The following GRHL3 variants were observed in gnomAD, a reference collection of about 807,000 sequenced individuals.
GRHL3 encodes the protein grainyhead like transcription factor 3.
GRHL3 carries 20 observed loss-of-function variants against 70.3 expected under a neutral mutation model. That is an observed-to-expected ratio of 0.28 (90% CI 0.20 to 0.41). The LOEUF (loss-of-function observed/expected upper bound fraction) is 0.41, where lower values mean the gene tolerates loss of function less well. Among genes scored for constraint, GRHL3 ranks in the 10% least tolerant of loss-of-function variants. The pLI, the probability that GRHL3 is intolerant of heterozygous loss-of-function variation, is 1.00. For synonymous variants in GRHL3, 299 were observed against 299.9 expected, an observed-to-expected ratio of 1.00 and a Z score of 0.03; for missense variants, 637 against 762.3, an observed-to-expected ratio of 0.84 and a Z score of 1.94.
Position 24,344,916 on chromosome 1 carries a change from C to T in GRHL3, c.1439C>T (p.Pro480Leu). Reference protein sequence around the residue: ...RSGGAAPSAGPSSSNRLPLKR... With the variant: ...RSGGAAPSAGLSSSNRLPLKR... ...TTGCAGGCAGCCCCCTCGGCAGGAC[C>T]CAGCAGCTCCAACAGGTATGGAGAG... Residue 480 changes from proline (P) to leucine (L), a missense_variant, in exon 12 of 16, where the codon CCC becomes CTC. Transcript: ENST00000361548. 1 of 1,613,572 alleles carries T rather than the reference C, an allele frequency of 6.2e-7. No individual in the cohort carries two copies. Among genetic ancestry groups the T allele is most frequent in the Non-Finnish European group, 8.5e-7 (1 of 1,179,722 alleles).
At chr1:24,332,287 T>G (rs968609490) in intron 2 of GRHL3, among the ~76,000 whole-genome samples, 15 of 152,166 alleles carry the variant, frequency 9.9e-5, no homozygotes, top group Non-Finnish European at 1.9e-4. Context: ...CTTACTGTCT[T>G]TCCTACTCCA....
At position 24,338,005 on chromosome 1, in the gene GRHL3, T is replaced by C; in HGVS notation, c.854T>C (p.Val285Ala). The C allele has an allele frequency of 2.5e-6, 4 of 1,607,422 alleles. No individual in the cohort carries two copies. The highest frequency in any genetic ancestry group is 3.4e-6 in the Non-Finnish European group (4 of 1,176,646). The stretch of plus-strand genomic sequence containing the variant: ...CTGTGCTTGCAGAGTGTGGTGATGG[T>C]TGTCTTCGACAATGAGAAGGTCCCA... ...SSNKVKSVVM[V>A]VFDNEKVPVE... Residue 285 changes from valine to alanine, a missense_variant, in exon 7 of 16, where the codon GTT (valine) becomes GCT (alanine). Around this residue, in one of 2 missense-constraint regions of GRHL3, gnomAD observed 387 missense variants for 513.8 expected, o/e 0.75. Transcript: ENST00000361548.
At chr1:24,327,957 C>A (rs1189767600) in intron 1 of GRHL3, among the ~76,000 whole-genome samples, 3 of 152,160 alleles carry the variant, frequency 2.0e-5, no homozygotes, top group Non-Finnish European at 1.5e-5. Context: ...AAGCCAAATT[C>A]TTAGTTCTAG....
chr1:24,362,521 A>G (rs1569968585), intron 15 of GRHL3, among the ~76,000 whole-genome samples: 1 of 152,236 alleles, frequency 6.6e-6, no homozygotes, highest in South Asian at 2.1e-4. Context: ...CAATGACACT[A>G]ACTTTATAAA....
In GRHL3 at chr1:24,354,457, G is replaced by A. The variant is rs865859683; in HGVS notation, c.1778G>A (p.Gly593Asp). Residue 593 changes from glycine (G) to aspartate (D), a missense_variant, in exon 16 of 16, where the codon GGC (glycine) becomes GAC (aspartate). Physicochemically the swap from Gly to Asp is moderately conservative, Grantham distance 94. This residue lies in a region of GRHL3 where 387 missense variants were observed against 513.8 expected (regional missense o/e 0.75). Coordinates refer to ENST00000361548, the MANE Select transcript of GRHL3 (RefSeq NM_198173.3). ...CTGCTGGACATGGGGGAGCTGGACG[G>A]CAAAATTCAGATCATCCTTAAGGAG... ...AFLLDMGELDGKIQIILKEL is the reference protein window; with the variant it reads ...AFLLDMGELDDKIQIILKEL 1 of 1,613,306 alleles carries A rather than the reference G, an allele frequency of 6.2e-7. No individual in the cohort carries two copies. The highest frequency in any genetic ancestry group is 8.5e-7 in the Non-Finnish European group (1 of 1,179,442).
At position 24,322,042 on chromosome 1, in the gene GRHL3, G is replaced by GGGGAGCTGGAGCCGCAGGCGACCTCCCC. The variant is rs1639211243; in HGVS notation, c.17+2477_17+2504dup. Reference sequence around the variant, plus strand: ...TTCCTGAAGGTGCGTCGGGGCCCCCGGGGAGCTGGAGCCGCAGGCGACCTC... The same window carrying GGGGAGCTGGAGCCGCAGGCGACCTCCCC: ...TTCCTGAAGGTGCGTCGGGGCCCCCGGGGAGCTGGAGCCGCAGGCGACCTCCCCGGGAGCTGGAGCCGCAGGCGACCTC... On this transcript the variant is annotated intron_variant, in intron 1 of 15. Coordinates refer to ENST00000361548, the MANE Select transcript of GRHL3 (RefSeq NM_198173.3). The surrounding 1 kb of genome is among the most constrained non-coding windows in gnomAD (Gnocchi z 4.4). 1 of 152,124 alleles carries GGGGAGCTGGAGCCGCAGGCGACCTCCCC rather than the reference G, an allele frequency of 6.6e-6. No individual in the cohort carries two copies. Among genetic ancestry groups the GGGGAGCTGGAGCCGCAGGCGACCTCCCC allele is most frequent in the Non-Finnish European group, 1.5e-5 (1 of 67,996 alleles). 9.4% of individuals were successfully genotyped at this position (152,124 alleles called of 1,614,324 possible). A position where few individuals can be genotyped will look rare whatever the true frequency, so the allele number is the denominator to read the frequency against.
intron 15 of GRHL3, 96 bp from the exon 16 acceptor site, chr1:24,354,278 C>A (rs1485644948): frequency 1.3e-6 from 1 of 756,902 alleles, no homozygotes. Context: ...GTGGCAGGTA[C>A]CCACTGGGTA....
chr1:24,324,164 AGAG>A (rs1639306984), intron 1 of GRHL3, among the ~76,000 whole-genome samples: 1 of 152,252 alleles, frequency 6.6e-6, no homozygotes, highest in South Asian at 2.1e-4. Context: ...CAAGACACCA[AGAG>A]GAGAATATAG....
In GRHL3 at chr1:24,342,363, G is replaced by A. The variant is rs1208751110; in HGVS notation, c.1206+90G>A. On this transcript the variant is annotated intron_variant, in intron 9 of 15. Coordinates refer to ENST00000361548, the MANE Select transcript of GRHL3 (RefSeq NM_198173.3). The surrounding 1 kb of genome is among the most constrained non-coding windows in gnomAD (Gnocchi z 4.8). ...TGCGTCCTCCTAGCTTCTCTGGGTT[G>A]TCTGTCTCTCTCTGTTTTTCTATCC... 2.0e-5 allele frequency: 22 copies of A among 1,126,514 alleles called. No homozygotes were observed. In the Admixed American group the frequency reaches 5.1e-4, roughly 26 times the overall value. The allele number at this position is 1,126,514 out of a possible 1,614,324, so 69.8% of individuals were successfully genotyped here. A position where few individuals can be genotyped will look rare whatever the true frequency, so the allele number is the denominator to read the frequency against.
chr1:24,360,062 G>A (rs572848569), downstream of GRHL3, among the ~76,000 whole-genome samples: 29 of 152,272 alleles, frequency 1.9e-4, no homozygotes, highest in African/African-American at 6.7e-4. Flanking sequence ...AACTCGCTGC[G>A]GACCTGTGGC....
Position 24,342,181 on chromosome 1 carries a change from CT to C in GRHL3, c.1115del (p.Leu372ArgfsTer117). The C allele has an allele frequency of 6.2e-7, 1 of 1,613,524 alleles. No homozygotes were observed. Among genetic ancestry groups the C allele is most frequent in the Non-Finnish European group, 8.5e-7 (1 of 1,179,648 alleles). On this transcript the variant is annotated frameshift_variant, in exon 9 of 16. Transcript: ENST00000361548. LOFTEE classifies it high-confidence loss of function. The surrounding 1 kb of genome is among the most constrained non-coding windows in gnomAD (Gnocchi z 4.8). ...ACAAAAGGGGGTGAAGGGTGTCCCC[CT>C]GAACCTGCAGATTGACACCTATGAC... ...SSQKGVKGVP[L>X]NLQIDTYDCG...
Position 24,342,862 on chromosome 1 carries a change from C to T in GRHL3, c.1286-30C>T, listed in dbSNP as rs200577492. ...GGGAGGGACTTGAGTGGAGGGACCT[C>T]GGGGCACATTGGCTTCCTTCTCCCA... On this transcript the variant is annotated intron_variant, in intron 10 of 15. Coordinates refer to ENST00000361548, the MANE Select transcript of GRHL3 (RefSeq NM_198173.3). The surrounding 1 kb of genome is among the most constrained non-coding windows in gnomAD (Gnocchi z 4.8). The T allele has an allele frequency of 5.6e-6, 9 of 1,614,142 alleles. No homozygotes were observed. The highest frequency in any genetic ancestry group is 3.3e-5 in the South Asian group (3 of 91,080).
At chr1:24,336,379 A>G (rs997745053) in intron 3 of GRHL3, 103 bp from the exon 4 acceptor site, 1 of 741,210 alleles carries the variant, frequency 1.3e-6, no homozygotes, top group African/African-American at 1.7e-5. Context: ...CCTAAACATT[A>G]CACTGGATCA....
chr1:24,348,672 A>G (rs1189623937), intron 14 of GRHL3, among the ~76,000 whole-genome samples: 1 of 152,162 alleles, frequency 6.6e-6, no homozygotes, highest in Non-Finnish European at 1.5e-5. Flanking sequence ...GGGGCAGCCC[A>G]TGGTGTCTTT....
At chr1:24,336,918 T>C in intron 4 of GRHL3, 91 bp downstream of exon 4, 1 of 1,290,202 alleles carries the variant, frequency 7.8e-7, no homozygotes, top group Non-Finnish European at 1.1e-6. Flanking sequence ...AGCTTTGGAA[T>C]CCATGGGGGA....
At chr1:24,340,481 G>T (rs188538366) in intron 8 of GRHL3, among the ~76,000 whole-genome samples, 1 of 152,208 alleles carries the variant, frequency 6.6e-6, no homozygotes, top group Non-Finnish European at 1.5e-5. Flanking sequence ...GAGCCCAGCC[G>T]CGGGCTTGCC....
chr1:24,319,987 G>C (rs1278563182), intron 1 of GRHL3: 1 of 254,884 alleles, frequency 3.9e-6, no homozygotes, highest in Non-Finnish European at 7.8e-6. Flanking sequence ...TTTCTCTAAA[G>C]GGACTTGTTT....
Position 24,321,447 on chromosome 1 carries a change from G to A in GRHL3, c.17+1879G>A, listed in dbSNP as rs1053583728. Among the ~76,000 whole-genome samples the A allele has an allele frequency of 6.6e-6, 1 of 152,212 alleles. No homozygotes were observed. The highest frequency in any genetic ancestry group is 1.5e-5 in the Non-Finnish European group (1 of 68,038). On this transcript the variant is annotated intron_variant, in intron 1 of 15. Coordinates refer to ENST00000361548, the MANE Select transcript of GRHL3 (RefSeq NM_198173.3). This position sits in a 1 kb window ranked among gnomAD's most constrained non-coding sequence, Gnocchi z 4.0. ...AGTTCTGAGCTGCTGTTGCTTCTGC[G>A]GCCTCGACATTCTCCTAAAAAGTGC... is the stretch of plus-strand genomic sequence containing the variant.
At position 24,332,652 on chromosome 1, in the gene GRHL3, C is replaced by T. The variant is rs74062146; in HGVS notation, c.204+1040C>T. On this transcript the variant is annotated intron_variant, in intron 2 of 15. Transcript: ENST00000361548. ...CTGGGTAACTGCTCCAAGAAACTTT[C>T]CTAGATTGGGGGATGGGGGCACACA... is the stretch of plus-strand genomic sequence containing the variant. Among the ~76,000 whole-genome samples the T allele has an allele frequency of 7.4e-3, 1,121 of 152,276 alleles. 20 individuals are homozygous for T. Among genetic ancestry groups the T allele is most frequent in the African/African-American group, 0.026 (1,062 of 41,536 alleles).
Sources: allele counts gnomAD v4.1 joint callset (sites outside exome capture counted in the v4.1 genomes callset), GRCh38; gene constraint gnomAD v4.1.1; regional missense constraint gnomAD v4.1.1; non-coding constraint Gnocchi (gnomAD v3.1); transcripts MANE v1.5; gene names NCBI Gene and HGNC (gene_info 2026-07-23, HGNC 2026-07-21).